Variants in GRM3 observed in about 807,000 individuals in gnomAD.
GRM3 encodes metabotropic glutamate receptor 3.
A neutral mutation model predicts 70.5 loss-of-function variants in GRM3; 26 were observed. The observed-to-expected ratio is 0.37, with a 90% CI of 0.27 to 0.51. GRM3 has a LOEUF of 0.51. Among genes scored for constraint, GRM3 ranks in the 20% least tolerant of loss-of-function variants. The pLI is 0.93. For synonymous variants in GRM3, 443 were observed against 434.9 expected (o/e 1.02, Z -0.23); for missense variants, 859 against 1,123.8 (o/e 0.76, Z 3.37).
chr7:86,685,644 C>T (rs1160630098), intron 1 of GRM3, among the ~76,000 whole-genome samples: 1 of 152,144 alleles, frequency 6.6e-6, no homozygotes, highest in Non-Finnish European at 1.5e-5. Flanking sequence ...CGGTGGCTCA[C>T]GCCTGTAATC....
At chr7:86,738,652 A>G (rs1417473278) in intron 1 of GRM3, among the ~76,000 whole-genome samples, 4 of 152,196 alleles carry the variant, frequency 2.6e-5, no homozygotes, top group African/African-American at 7.2e-5. Context: ...CCCTGAATCA[A>G]TTCTCCTGAT....
rs775560772 is a variant in GRM3 at position 86,839,348 on chromosome 7, C to G, written c.1834C>G (p.Arg612Gly). The G allele has an allele frequency of 6.2e-7, 1 of 1,613,982 alleles. No homozygotes were observed. Among genetic ancestry groups the G allele is most frequent in the Non-Finnish European group, 8.5e-7 (1 of 1,179,944 alleles). The change falls in exon 4 of 6, where the codon CGA becomes GGA. Residue 612 changes from arginine to glycine, a missense_variant. Coordinates refer to ENST00000361669, the MANE Select transcript of GRM3 (RefSeq NM_000840.3). This position sits in a 1 kb window ranked among gnomAD's most constrained non-coding sequence, Gnocchi z 4.5. The stretch of plus-strand genomic sequence containing the variant: ...CACACCCTTGGTCAAAGCATCGGGC[C>G]GAGAACTCTGCTACATCTTATTGTT... ...NNTPLVKASG[R>G]ELCYILLFGV... is the part of the protein sequence containing the mutation.
At chr7:86,860,568 G>C (rs1277008413) in intron 5 of GRM3, among the ~76,000 whole-genome samples, 1 of 152,126 alleles carries the variant, frequency 6.6e-6, no homozygotes, top group African/African-American at 2.4e-5. Flanking sequence ...TTTTGCTGTT[G>C]CTATTTCTTG....
chr7:86,744,198 C>A (rs770687162), intron 1 of GRM3, among the ~76,000 whole-genome samples: 1 of 151,952 alleles, frequency 6.6e-6, no homozygotes, highest in Non-Finnish European at 1.5e-5. Context: ...TGGGAGGATA[C>A]TTATGACAGA....
chr7:86,823,541 A>G lies in GRM3; in HGVS notation c.1325-15298A>G, dbSNP rs572846987. Reference sequence around the variant, plus strand: ...CCCTTTTCTAAAAAGAAATGTTATTAGCTAGAACTAACAGAAATTCAGCGG... The same window carrying G: ...CCCTTTTCTAAAAAGAAATGTTATTGGCTAGAACTAACAGAAATTCAGCGG... On this transcript the variant is annotated intron_variant, in intron 3 of 5. Transcript: ENST00000361669. Among the ~76,000 whole-genome samples, 47 of 137,836 alleles carry G rather than the reference A, an allele frequency of 3.4e-4. 1 individual carries two copies. In the East Asian group the frequency reaches 9.3e-3, roughly 27 times the overall value. 90.4% of individuals were successfully genotyped at this position (137,836 alleles called of 152,430 possible). A position where few individuals can be genotyped will look rare whatever the true frequency, so the allele number is the denominator to read the frequency against.
At chr7:86,669,352 T>C (rs191233208) in intron 1 of GRM3, among the ~76,000 whole-genome samples, 20 of 152,302 alleles carry the variant, frequency 1.3e-4, no homozygotes, top group Non-Finnish European at 2.5e-4. Flanking sequence ...AGAACAGGTG[T>C]TAAAAACTCT....
intron 1 of GRM3, among the ~76,000 whole-genome samples, chr7:86,721,053 G>C (rs1795450017): frequency 6.6e-6 from 1 of 151,976 alleles, no homozygotes. Context: ...GGCCCCAAAG[G>C]GAAGCTAATA....
Position 86,765,566 on chromosome 7 carries a change from C to G in GRM3, c.421C>G (p.Leu141Val), listed in dbSNP as rs1190210986. The G allele has an allele frequency of 3.1e-6, 5 of 1,613,520 alleles. No individual in the cohort carries two copies. Among genetic ancestry groups the G allele is most frequent in the Non-Finnish European group, 4.2e-6 (5 of 1,179,628 alleles). ...SYAIQENIPL[L>V]IAGVIGGSYS... Reference sequence around the variant, plus strand: ...TGCCATTCAAGAAAACATCCCACTTCTCATTGCAGGGGTCATTGGTGGCTC... The same window carrying G: ...TGCCATTCAAGAAAACATCCCACTTGTCATTGCAGGGGTCATTGGTGGCTC... Residue 141 changes from leucine to valine, a missense_variant, in exon 2 of 6, where the codon CTC (leucine) becomes GTC (valine). Transcript: ENST00000361669.
intron 5 of GRM3, among the ~76,000 whole-genome samples, chr7:86,863,411 T>C (rs1469639746): frequency 6.6e-6 from 1 of 152,108 alleles, no homozygotes. Flanking sequence ...CTTAAAACAA[T>C]AGAAATTTAT....
intron 1 of GRM3, among the ~76,000 whole-genome samples, chr7:86,680,404 A>G (rs991682333): frequency 4.6e-5 from 7 of 152,118 alleles, no homozygotes; most frequent in Non-Finnish European, 7.4e-5. Context: ...TACCTTAATA[A>G]AGCTCAAATT....
chr7:86,720,899 T>C (rs1267084119), intron 1 of GRM3, among the ~76,000 whole-genome samples: 1 of 152,016 alleles, frequency 6.6e-6, no homozygotes, highest in African/African-American at 2.4e-5. Context: ...AGAGTTTACA[T>C]TGAGGTAGAG....
At chr7:86,696,319 G>T (rs765136117) in intron 1 of GRM3, among the ~76,000 whole-genome samples, 1 of 152,126 alleles carries the variant, frequency 6.6e-6, no homozygotes, top group Non-Finnish European at 1.5e-5. Context: ...TTATAAGAGA[G>T]AAACAGGAAG....
intron 3 of GRM3, among the ~76,000 whole-genome samples, chr7:86,837,654 G>GGGCACAGCTTCACTAAGCAGT (rs367648660): frequency 1.2e-4 from 19 of 152,112 alleles, no homozygotes; most frequent in Admixed American, 3.9e-4. Context: ...GCCTAGGCAG[G>GGGCACAGCTTCACTAAGCAGT]GGCACAGCTT....
chr7:86,759,353 G>C (rs1796424378), intron 1 of GRM3, among the ~76,000 whole-genome samples: 1 of 152,098 alleles, frequency 6.6e-6, no homozygotes, highest in Non-Finnish European at 1.5e-5. Flanking sequence ...AATTTATCCA[G>C]GGCCAAAGTT....
intron 1 of GRM3, among the ~76,000 whole-genome samples, chr7:86,750,731 G>T (rs1012782789): frequency 2.0e-5 from 3 of 151,836 alleles, no homozygotes; most frequent in Non-Finnish European, 4.4e-5. Context: ...ATGGAAGAAG[G>T]TTGCAACAAT....
At chr7:86,781,253 A>C (rs970310793) in intron 2 of GRM3, among the ~76,000 whole-genome samples, 20 of 150,910 alleles carry the variant, frequency 1.3e-4, no homozygotes, top group African/African-American at 2.4e-4. Context: ...AGCCTTACCC[A>C]AAAAAAAAGG....
intron 4 of GRM3, among the ~76,000 whole-genome samples, chr7:86,842,716 T>G (rs6974507): frequency 0.075 from 11,355 of 152,216 alleles, 572 homozygotes; most frequent in African/African-American, 0.14. Context: ...TAAGGCATGA[T>G]TCCAGTCTTC....
chr7:86,744,674 C>T (rs892178253), intron 1 of GRM3, among the ~76,000 whole-genome samples: 5 of 151,924 alleles, frequency 3.3e-5, no homozygotes, highest in Non-Finnish European at 5.9e-5. Flanking sequence ...CTATATATGC[C>T]GGGCAGTCTG....
chr7:86,805,407 A>G (rs1311159969), intron 3 of GRM3, among the ~76,000 whole-genome samples: 1 of 152,176 alleles, frequency 6.6e-6, no homozygotes, highest in African/African-American at 2.4e-5. Context: ...AGTGTGGTGC[A>G]TTTGCTACAG....
Sources: gnomAD v4.1 joint callset for allele counts (sites outside exome capture counted in the v4.1 genomes callset) on GRCh38, gnomAD v4.1.1 for gene constraint, Gnocchi (gnomAD v3.1) non-coding constraint, MANE v1.5 for transcripts, NCBI Gene and HGNC (gene_info 2026-07-23, HGNC 2026-07-21) for gene names.